LURAP1L: variants seen among roughly 807,000 people sequenced by gnomAD.
The protein encoded by LURAP1L is leucine rich adaptor protein 1-like.
Under a neutral mutation model 13.8 loss-of-function variants are expected in LURAP1L, and 12 were observed. That is an observed-to-expected ratio of 0.87 (90% CI 0.56 to 1.41). The LOEUF is 1.41. Among genes scored for constraint, LURAP1L ranks in the 40% most tolerant of loss-of-function variants. The pLI is 0.00. For synonymous variants in LURAP1L, 139 were observed against 119.2 expected (o/e 1.17, Z -1.08); for missense variants, 375 against 292.9 (o/e 1.28, Z -2.04).
At chr9:12,776,418 C>A (rs1384305121) in intron 1 of LURAP1L, among the ~76,000 whole-genome samples, 1 of 152,122 alleles carries the variant, frequency 6.6e-6, no homozygotes, top group African/African-American at 2.4e-5. Flanking sequence ...CGGGTAGGTT[C>A]AAAAGGTGGC....
In LURAP1L at chr9:12,821,834, T is replaced by G; in HGVS notation, c.*74T>G. On this transcript the variant is annotated 3_prime_UTR_variant, in exon 2 of 2. Transcript: ENST00000319264. Reference sequence around the variant, plus strand: ...TTCTTCTCCGCTGCTATATTTTTGGTGTGATTTTTATTTTAATAAGATGAC... The same window carrying G: ...TTCTTCTCCGCTGCTATATTTTTGGGGTGATTTTTATTTTAATAAGATGAC... 1.3e-6 allele frequency: 2 copies of G among 1,501,508 alleles called. No individual in the cohort carries two copies. The highest frequency in any genetic ancestry group is 1.8e-6 in the Non-Finnish European group (2 of 1,125,510). The allele number at this position is 1,501,508 out of a possible 1,614,324, so 93.0% of individuals were successfully genotyped here.
At chr9:12,790,280 C>T (rs1012112670) in intron 1 of LURAP1L, among the ~76,000 whole-genome samples, 1 of 152,134 alleles carries the variant, frequency 6.6e-6, no homozygotes, top group Non-Finnish European at 1.5e-5. Flanking sequence ...TCTCCTGCAG[C>T]ATAATCACCT....
intron 1 of LURAP1L, among the ~76,000 whole-genome samples, chr9:12,795,992 T>G (rs2118501385): frequency 6.6e-6 from 1 of 152,184 alleles, no homozygotes; most frequent in African/African-American, 2.4e-5. Flanking sequence ...TTTAAAAGTT[T>G]GTTTTCTTCC....
chr9:12,788,185 A>AAGAAAGAAAGAAAGAAAG (rs1819387643), intron 1 of LURAP1L, among the ~76,000 whole-genome samples: 1 of 147,912 alleles, frequency 6.8e-6, no homozygotes, highest in Non-Finnish European at 1.5e-5. Flanking sequence ...GAAAGAAAGA[A>AAGAAAGAAAGAAAGAAAG]AGAAAGAAAA....
chr9:12,817,269 T>C (rs964708269), intron 1 of LURAP1L, among the ~76,000 whole-genome samples: 1 of 152,098 alleles, frequency 6.6e-6, no homozygotes, highest in African/African-American at 2.4e-5. Flanking sequence ...AAACCCGAGA[T>C]TCCAACAGAC....
intron 1 of LURAP1L, among the ~76,000 whole-genome samples, chr9:12,778,266 C>T (rs1819219231): frequency 6.6e-6 from 1 of 152,050 alleles, no homozygotes; most frequent in Non-Finnish European, 1.5e-5. Context: ...TTTAGCTTAT[C>T]TTCCCCGGCA....
chr9:12,782,705 T>A (rs755029971), intron 1 of LURAP1L, among the ~76,000 whole-genome samples: 14 of 152,172 alleles, frequency 9.2e-5, no homozygotes, highest in Non-Finnish European at 1.8e-4. Context: ...CTATTCAGGT[T>A]CTTTTCTGAT....
chr9:12,782,088 T>A (rs1471630183), intron 1 of LURAP1L, among the ~76,000 whole-genome samples: 4 of 152,350 alleles, frequency 2.6e-5, no homozygotes, highest in Admixed American at 2.6e-4. Flanking sequence ...CTTTTGTCTA[T>A]TTTTTAATCA....
intron 1 of LURAP1L, among the ~76,000 whole-genome samples, chr9:12,797,445 A>G (rs1037711560): frequency 6.6e-6 from 1 of 152,152 alleles, no homozygotes; most frequent in Non-Finnish European, 1.5e-5. Context: ...TCTGAATCAG[A>G]TGATAGACAC....
chr9:12,805,927 C>T (rs1819650786), intron 1 of LURAP1L, among the ~76,000 whole-genome samples: 1 of 151,982 alleles, frequency 6.6e-6, no homozygotes, highest in South Asian at 2.1e-4. Context: ...TGGCCAAGAT[C>T]AGGAGCGACA....
intron 1 of LURAP1L, among the ~76,000 whole-genome samples, chr9:12,783,136 A>G (rs1352179176): frequency 6.6e-6 from 1 of 151,874 alleles, no homozygotes; most frequent in Non-Finnish European, 1.5e-5. Context: ...CATATGTAAG[A>G]TTATATCATT....
At chr9:12,815,708 G>C (rs1819796062) in intron 1 of LURAP1L, among the ~76,000 whole-genome samples, 1 of 152,144 alleles carries the variant, frequency 6.6e-6, no homozygotes, top group South Asian at 2.1e-4. Flanking sequence ...AGGGCTTTAT[G>C]AGAAACCTGA....
intron 1 of LURAP1L, among the ~76,000 whole-genome samples, chr9:12,783,741 T>G (rs1190782014): frequency 3.9e-5 from 6 of 152,052 alleles, no homozygotes; most frequent in Admixed American, 3.9e-4. Context: ...AAGTATTCTC[T>G]CCTCTGTTTT....
At chr9:12,790,798 T>A (rs181891814) in intron 1 of LURAP1L, 1 of 152,040 alleles carries the variant, frequency 6.6e-6, no homozygotes, top group Admixed American at 6.6e-5. Flanking sequence ...CATGTTAGTT[T>A]TTGGCATCTT....
At position 12,775,905 on chromosome 9, in the gene LURAP1L, A is replaced by C. The variant is rs2118443012; in HGVS notation, c.190A>C (p.Ser64Arg). ...GGCSSSSSYC[S>R]FPPSLSSSSS... ...CTGCAGTAGCAGCAGCAGCTACTGC[A>C]GCTTCCCTCCCTCCTTGTCGTCCTC... Residue 64 changes from serine (S) to arginine (R), a missense_variant, in exon 1 of 2, where the codon AGC (serine) becomes CGC (arginine). Ser to Arg is a moderately radical substitution (Grantham distance 110). Transcript: ENST00000319264. 1.9e-6 allele frequency: 3 copies of C among 1,565,174 alleles called. No individual in the cohort carries two copies. Among genetic ancestry groups the C allele is most frequent in the Middle Eastern group, 1.7e-4 (1 of 6,014 alleles).
rs1223825252 is a variant in LURAP1L, at chr9:12,808,291, T to A, written c.313-13095T>A. ...CAAATTTTCTCCATTTTTGTTGGTC[T>A]CAGAAAGTCTTTAGTATTTACTACT... is the stretch of plus-strand genomic sequence containing the variant. On this transcript the variant is annotated intron_variant, in intron 1 of 1. Coordinates refer to ENST00000319264, the MANE Select transcript of LURAP1L (RefSeq NM_203403.2). Among the ~76,000 whole-genome samples, 4 of 152,136 alleles carry A rather than the reference T, an allele frequency of 2.6e-5. No homozygotes were observed. In the East Asian group the frequency reaches 7.7e-4, roughly 29 times the overall value.
chr9:12,800,775 A>G (rs1284381911), intron 1 of LURAP1L, among the ~76,000 whole-genome samples: 1 of 152,198 alleles, frequency 6.6e-6, no homozygotes, highest in Non-Finnish European at 1.5e-5. Context: ...TGCCAGCATC[A>G]TGCTTCCTAT....
chr9:12,807,105 A>ATTT (rs1819670222), intron 1 of LURAP1L, among the ~76,000 whole-genome samples: 1 of 135,114 alleles, frequency 7.4e-6, no homozygotes, highest in Admixed American at 8.5e-5. Flanking sequence ...ATATATATAT[A>ATTT]TATATATATA....
At chr9:12,793,477 G>A (rs966489129) in intron 1 of LURAP1L, among the ~76,000 whole-genome samples, 1 of 151,946 alleles carries the variant, frequency 6.6e-6, no homozygotes, top group Non-Finnish European at 1.5e-5. Context: ...GACTTGTTTG[G>A]TTACTCAACA....
Sources: allele counts gnomAD v4.1 joint callset (sites outside exome capture counted in the v4.1 genomes callset), GRCh38; gene constraint gnomAD v4.1.1; transcripts MANE v1.5; gene names NCBI Gene and HGNC (gene_info 2026-07-23, HGNC 2026-07-21).